The following TMEM161B variants were observed in gnomAD, a reference collection of about 807,000 sequenced individuals.
The protein encoded by TMEM161B is transmembrane protein 161B.
In TMEM161B, 34 loss-of-function variants were observed where a neutral mutation model predicts 61.8. The observed-to-expected ratio is 0.55, with a 90% CI of 0.42 to 0.73. The LOEUF is 0.73. TMEM161B is among the 30% of genes least tolerant of loss of function. The pLI, the probability that TMEM161B is intolerant of heterozygous loss-of-function variation, is 0.00. For missense variants in TMEM161B, 456 were observed against 558.5 expected (o/e 0.82, Z 1.85); for synonymous variants, 167 against 192.8 (o/e 0.87, Z 1.11).
intron 1 of TMEM161B, among the ~76,000 whole-genome samples, chr5:88,247,944 G>A (rs1753838412): frequency 6.6e-6 from 1 of 152,114 alleles, no homozygotes; most frequent in Non-Finnish European, 1.5e-5. Flanking sequence ...TAAAGGTACT[G>A]CAACTGTAAT....
chr5:88,264,815 T>C (rs975689280), intron 1 of TMEM161B, among the ~76,000 whole-genome samples: 2 of 152,174 alleles, frequency 1.3e-5, no homozygotes, highest in African/African-American at 2.4e-5. Context: ...GAAGTCATCA[T>C]TCTCAGCAAA....
rs184559948 is a variant in TMEM161B, at chr5:88,195,646, A to G, written c.*565T>C. 2.7e-4 allele frequency: 269 copies of G among 984,746 alleles called. 1 individual carries two copies. The African/African-American group carries it at 4.3e-3, about 16-fold the overall frequency. 61.0% of individuals were successfully genotyped at this position (984,746 alleles called of 1,614,324 possible). A position where few individuals can be genotyped will look rare whatever the true frequency, so the allele number is the denominator to read the frequency against. ...GTAGTTATATATTTTAACCATATTC[A>G]TCTCCATTAAATTTAAAATAACTAT... is the stretch of plus-strand genomic sequence containing the variant. On this transcript the variant is annotated 3_prime_UTR_variant, in exon 12 of 12. Transcript: ENST00000296595.
intron 5 of TMEM161B, among the ~76,000 whole-genome samples, chr5:88,215,374 G>T (rs1184013999): frequency 1.3e-5 from 2 of 152,158 alleles, no homozygotes; most frequent in African/African-American, 4.8e-5. Context: ...TATAACTAAA[G>T]ATAAAAGATA....
intron 2 of TMEM161B, among the ~76,000 whole-genome samples, chr5:88,232,961 CA>C (rs1477787843): frequency 2.0e-5 from 3 of 152,186 alleles, no homozygotes; most frequent in African/African-American, 7.2e-5. Context: ...AGATTTATTA[CA>C]TTTCCTATGG....
intron 2 of TMEM161B, among the ~76,000 whole-genome samples, chr5:88,234,110 T>A (rs1751448169): frequency 6.6e-6 from 1 of 152,160 alleles, no homozygotes; most frequent in Non-Finnish European, 1.5e-5. Context: ...ACTTCTTTAT[T>A]CGTTGTTGTT....
intron 2 of TMEM161B, among the ~76,000 whole-genome samples, chr5:88,234,275 G>A (rs1316790760): frequency 6.6e-6 from 1 of 152,212 alleles, no homozygotes; most frequent in East Asian, 1.9e-4. Flanking sequence ...GTATACAGAT[G>A]AGAGTGATGG....
At chr5:88,267,891 G>A (rs1580770779) in intron 1 of TMEM161B, among the ~76,000 whole-genome samples, 2 of 152,062 alleles carry the variant, frequency 1.3e-5, no homozygotes, top group African/African-American at 4.8e-5. Context: ...CTCTTCTCTC[G>A]GGTACCTGAA....
chr5:88,189,421 T>C (rs1225451677), downstream of TMEM161B, among the ~76,000 whole-genome samples: 1 of 152,148 alleles, frequency 6.6e-6, no homozygotes, highest in African/African-American at 2.4e-5. Context: ...TGGTCTTGCC[T>C]TCTAGGTTTC....
chr5:88,196,373 T>C lies in TMEM161B; in HGVS notation c.1302A>G (p.Val434=), dbSNP rs368845395. Residue 434 remains valine (V), a synonymous_variant, in exon 12 of 12, where the codon GTA becomes GTG. Transcript: ENST00000296595. The stretch of plus-strand genomic sequence containing the variant: ...GTGCCACTGTTATTTGTGTAACAGT[T>C]ACCTTCATTTTCCCTTCAGCTGATG... The part of the protein sequence containing the change: ...ELPSAEGKMK[V]TVTQITVALS... 6.2e-7 allele frequency: 1 copy of C among 1,613,418 alleles called. No homozygotes were observed. The highest frequency in any genetic ancestry group is 8.5e-7 in the Non-Finnish European group (1 of 1,179,580).
At chr5:88,224,501 T>C (rs966686845) in intron 4 of TMEM161B, among the ~76,000 whole-genome samples, 2 of 152,210 alleles carry the variant, frequency 1.3e-5, no homozygotes, top group Non-Finnish European at 2.9e-5. Context: ...TTCTATAATA[T>C]ATAGGAGGAA....
chr5:88,225,574 T>A (rs1749910934), intron 4 of TMEM161B, among the ~76,000 whole-genome samples, 195 bp downstream of exon 4: 1 of 152,156 alleles, frequency 6.6e-6, no homozygotes. Flanking sequence ...GTTAGCCTCT[T>A]CCGAAAATAG....
intron 5 of TMEM161B, among the ~76,000 whole-genome samples, chr5:88,211,926 T>A (rs977232591): frequency 3.3e-5 from 5 of 151,976 alleles, no homozygotes; most frequent in African/African-American, 1.2e-4. Context: ...TTTTCTAAAC[T>A]TGATGTTTCC....
chr5:88,188,833 G>A (rs567347974), downstream of TMEM161B, among the ~76,000 whole-genome samples: 1 of 152,274 alleles, frequency 6.6e-6, no homozygotes, highest in East Asian at 1.9e-4. Context: ...AGTTGGGGGG[G>A]GTGGTTAATC....
At chr5:88,186,323 C>A (rs1265420515), downstream of TMEM161B, among the ~76,000 whole-genome samples, 1 of 152,048 alleles carries the variant, frequency 6.6e-6, no homozygotes, top group Non-Finnish European at 1.5e-5. Context: ...TTTAACGTGG[C>A]CTGAAATAAA....
intron 4 of TMEM161B, among the ~76,000 whole-genome samples, chr5:88,222,224 A>G (rs554308628): frequency 6.6e-6 from 1 of 152,184 alleles, no homozygotes; most frequent in South Asian, 2.1e-4. Context: ...GCACACCACC[A>G]CACTCGGGTA....
At chr5:88,244,992 T>C (rs1753379991) in intron 1 of TMEM161B, among the ~76,000 whole-genome samples, 2 of 151,864 alleles carry the variant, frequency 1.3e-5, no homozygotes, top group South Asian at 4.1e-4. Context: ...TGATTTTTTG[T>C]TCTGAAACTT....
At chr5:88,231,924 T>C (rs1239839361) in intron 2 of TMEM161B, among the ~76,000 whole-genome samples, 8 of 152,194 alleles carry the variant, frequency 5.3e-5, no homozygotes, top group Admixed American at 2.6e-4. Context: ...TTCACTAACA[T>C]TGAATTCACA....
chr5:88,256,366 G>C (rs2112751176), intron 1 of TMEM161B, among the ~76,000 whole-genome samples: 1 of 152,236 alleles, frequency 6.6e-6, no homozygotes, highest in East Asian at 1.9e-4. Context: ...CAAATAAAAG[G>C]TTCAATGGAA....
chr5:88,238,802 G>A (rs553934484), intron 2 of TMEM161B, among the ~76,000 whole-genome samples: 15 of 151,846 alleles, frequency 9.9e-5, no homozygotes, highest in South Asian at 4.2e-4. Flanking sequence ...AATCTTATTC[G>A]ATTGAGATAA....
Sources: gnomAD v4.1 joint callset for allele counts (sites outside exome capture counted in the v4.1 genomes callset) on GRCh38, gnomAD v4.1.1 for gene constraint, MANE v1.5 for transcripts, NCBI Gene and HGNC (gene_info 2026-07-23, HGNC 2026-07-21) for gene names.